The following PPP3CA variants were observed in gnomAD, a reference collection of about 807,000 sequenced individuals.
PPP3CA encodes CAM-PRP catalytic subunit.
In PPP3CA, 14 loss-of-function variants were observed where a neutral mutation model predicts 66.5. That is an observed-to-expected ratio of 0.21 (90% CI 0.14 to 0.33). The LOEUF (loss-of-function observed/expected upper bound fraction) is 0.33, where lower values mean the gene tolerates loss of function less well. Among genes scored for constraint, PPP3CA ranks in the 10% least tolerant of loss-of-function variants. The probability of loss-of-function intolerance (pLI) is 1.00; values close to 1 mark genes in which losing one functional copy is unlikely to be tolerated. For synonymous variants in PPP3CA, 232 were observed against 226.2 expected, an observed-to-expected ratio of 1.03 and a Z score of -0.23; for missense variants, 317 against 639.5, an observed-to-expected ratio of 0.50 and a Z score of 5.44.
At chr4:101,173,517 C>G (rs1233527384) in intron 2 of PPP3CA, among the ~76,000 whole-genome samples, 1 of 152,026 alleles carries the variant, frequency 6.6e-6, no homozygotes, top group Non-Finnish European at 1.5e-5. Context: ...ATTTACACTA[C>G]ACACTTATTC....
intron 2 of PPP3CA, among the ~76,000 whole-genome samples, chr4:101,178,713 A>G (rs1431421964): frequency 6.6e-6 from 1 of 152,050 alleles, no homozygotes; most frequent in Non-Finnish European, 1.5e-5. Flanking sequence ...TAATTTTACC[A>G]CTGGTCCCTT....
intron 2 of PPP3CA, among the ~76,000 whole-genome samples, chr4:101,188,555 C>T (rs554358273): frequency 3.3e-5 from 5 of 152,150 alleles, no homozygotes; most frequent in Middle Eastern, 3.4e-3. Flanking sequence ...AAAAATGTAA[C>T]TTCTTAAGAC....
At chr4:101,212,041 G>T (rs1368988150) in intron 1 of PPP3CA, among the ~76,000 whole-genome samples, 2 of 152,104 alleles carry the variant, frequency 1.3e-5, no homozygotes, top group African/African-American at 4.8e-5. Context: ...AGTGCTTTGT[G>T]CAATACTGGT....
Position 101,305,084 on chromosome 4 carries a change from G to A in PPP3CA, c.58+41655C>T, listed in dbSNP as rs140573464. Among the ~76,000 whole-genome samples, 1,004 of 152,240 alleles carry A rather than the reference G, an allele frequency of 6.6e-3. 6 individuals carry two copies. Among genetic ancestry groups the A allele is most frequent in the Non-Finnish European group, 0.01 (697 of 68,000 alleles). On this transcript the variant is annotated intron_variant, in intron 1 of 13. Coordinates refer to ENST00000394854, the MANE Select transcript of PPP3CA (RefSeq NM_000944.5). ...CTGGGGAGACATTCAGGCTTTGCAG[G>A]GTTAGAACAAGAGACAGCAGAACCA...
At chr4:101,110,120 T>C (rs926845978) in intron 2 of PPP3CA, among the ~76,000 whole-genome samples, 1 of 152,140 alleles carries the variant, frequency 6.6e-6, no homozygotes, top group Non-Finnish European at 1.5e-5. Flanking sequence ...ATATATTGTG[T>C]AATATTTTAA....
In PPP3CA at chr4:101,170,552, A is replaced by C. The variant is rs1216649947; in HGVS notation, c.259+25364T>G. ...GGCTGGGAAAGAATATCATGGAAGT[A>C]GGGTGAGAGGTGAAAAAAAAAAATA... On this transcript the variant is annotated intron_variant, in intron 2 of 13. Transcript: ENST00000394854. 2.0e-5 allele frequency among the ~76,000 whole-genome samples: 3 copies of C among 151,986 alleles called. No homozygotes were observed. The East Asian group carries it at 5.8e-4, about 29-fold the overall frequency.
intron 1 of PPP3CA, among the ~76,000 whole-genome samples, chr4:101,270,104 A>G (rs140958055): frequency 1.3e-5 from 2 of 152,326 alleles, no homozygotes; most frequent in East Asian, 3.9e-4. Context: ...GGAATATTGC[A>G]TAAAGACAGC....
intron 1 of PPP3CA, among the ~76,000 whole-genome samples, chr4:101,326,060 G>C (rs7664396): frequency 0.11 from 16,141 of 152,050 alleles, 2,911 homozygotes; most frequent in African/African-American, 0.37. Flanking sequence ...TACTTGAACC[G>C]AGGAGGCAGA....
chr4:101,066,614 T>C lies in PPP3CA; in HGVS notation c.956-3257A>G, dbSNP rs760854412. 3.3e-5 allele frequency among the ~76,000 whole-genome samples: 5 copies of C among 152,280 alleles called. No homozygotes were observed. The East Asian group carries it at 7.7e-4, about 23-fold the overall frequency. ...CATTTATGCAAAAATACTTTTTGAA[T>C]AACCTTACATTAGTAAGTTACTCAA... On this transcript the variant is annotated intron_variant, in intron 8 of 13. Coordinates refer to ENST00000394854, the MANE Select transcript of PPP3CA (RefSeq NM_000944.5).
chr4:101,220,929 T>C (rs1220298971), intron 1 of PPP3CA, among the ~76,000 whole-genome samples: 1 of 151,812 alleles, frequency 6.6e-6, no homozygotes, highest in East Asian at 1.9e-4. Context: ...AATTAAATCA[T>C]GAGAAAGTCC....
chr4:101,059,339 C>A (rs1008015282), intron 10 of PPP3CA, among the ~76,000 whole-genome samples: 1 of 151,970 alleles, frequency 6.6e-6, no homozygotes, highest in Non-Finnish European at 1.5e-5. Flanking sequence ...TAAATATATC[C>A]ATTTTCCCCT....
At chr4:101,076,526 C>T (rs1309516548) in intron 8 of PPP3CA, among the ~76,000 whole-genome samples, 2 of 152,104 alleles carry the variant, frequency 1.3e-5, no homozygotes, top group Non-Finnish European at 2.9e-5. Context: ...CAGAGAAGGA[C>T]CACCAACAGA....
rs148313258 is a variant in PPP3CA at position 101,301,820 on chromosome 4, T to TTATA, written c.58+44915_58+44918dup. Among the ~76,000 whole-genome samples the TTATA allele has an allele frequency of 2.3e-3, 343 of 146,782 alleles. 1 individual carries two copies. Among genetic ancestry groups the TTATA allele is most frequent in the African/African-American group, 7.2e-3 (291 of 40,284 alleles). Reference sequence around the variant, plus strand: ...AAGCAGTATTATATAGCACCATATTTTATATATATATATATATAATTTTAA... The same window carrying TTATA: ...AAGCAGTATTATATAGCACCATATTTTATATATATATATATATATATAATTTTAA... On this transcript the variant is annotated intron_variant, in intron 1 of 13. Coordinates refer to ENST00000394854, the MANE Select transcript of PPP3CA (RefSeq NM_000944.5).
intron 6 of PPP3CA, among the ~76,000 whole-genome samples, chr4:101,086,028 G>A (rs1315153830): frequency 1.3e-5 from 2 of 151,848 alleles, no homozygotes; most frequent in Non-Finnish European, 2.9e-5. Flanking sequence ...AGGGAGGGGC[G>A]GTATAAGTTC....
chr4:101,099,738 AT>A lies in PPP3CA; in HGVS notation c.385-17del, dbSNP rs1338474211. ...ACAGCACACACTGAGAAAAATAAAA[AT>A]AATATAAAAATAAATATTTTTCCTT... On this transcript the variant is annotated splice_polypyrimidine_tract_variant and intron_variant, in intron 3 of 13. Coordinates refer to ENST00000394854, the MANE Select transcript of PPP3CA (RefSeq NM_000944.5). 1.5e-6 allele frequency: 2 copies of A among 1,314,084 alleles called. No individual in the cohort carries two copies. The highest frequency in any genetic ancestry group is 2.1e-6 in the Non-Finnish European group (2 of 975,234). 81.4% of individuals were successfully genotyped at this position (1,314,084 alleles called of 1,614,324 possible).
At chr4:101,214,551 C>T (rs1258601631) in intron 1 of PPP3CA, among the ~76,000 whole-genome samples, 2 of 152,048 alleles carry the variant, frequency 1.3e-5, no homozygotes, top group Non-Finnish European at 2.9e-5. Context: ...GTAAGACGTG[C>T]TGGCTTTCTG....
At chr4:101,137,358 C>A (rs1050501027) in intron 2 of PPP3CA, among the ~76,000 whole-genome samples, 3 of 152,042 alleles carry the variant, frequency 2.0e-5, no homozygotes, top group Middle Eastern at 3.2e-3. Context: ...CCCTGAAATA[C>A]AACTAAAAGA....
At chr4:101,296,941 G>C (rs1396931152) in intron 1 of PPP3CA, among the ~76,000 whole-genome samples, 1 of 152,042 alleles carries the variant, frequency 6.6e-6, no homozygotes, top group Non-Finnish European at 1.5e-5. Context: ...AAGTTAAATA[G>C]CAATACATTG....
At chr4:101,054,344 A>T (rs1282246410) in intron 10 of PPP3CA, among the ~76,000 whole-genome samples, 1 of 152,092 alleles carries the variant, frequency 6.6e-6, no homozygotes, top group Non-Finnish European at 1.5e-5. Context: ...CTTTAAACTT[A>T]ATTTATTAAT....
Sources: allele counts gnomAD v4.1 joint callset (sites outside exome capture counted in the v4.1 genomes callset), GRCh38; gene constraint gnomAD v4.1.1; transcripts MANE v1.5; gene names NCBI Gene and HGNC (gene_info 2026-07-23, HGNC 2026-07-21).